TMEM131: variants seen among roughly 807,000 people sequenced by gnomAD.
TMEM131 encodes the protein 2610524E03Rik.
A neutral mutation model predicts 211.6 loss-of-function variants in TMEM131; 66 were observed. The observed-to-expected ratio is 0.31, with a 90% CI of 0.26 to 0.38. The LOEUF is 0.38. TMEM131 is among the 10% of genes least tolerant of loss of function. TMEM131 has a pLI of 1.00. For synonymous variants in TMEM131, 844 were observed against 841.3 expected (o/e 1.00, Z -0.06); for missense variants, 2,036 against 2,299.3 (o/e 0.89, Z 2.34).
Position 97,792,477 on chromosome 2 carries a change from T to C in TMEM131, c.4053A>G (p.Ile1351Met), listed in dbSNP as rs1301726710. Residue 1351 changes from isoleucine to methionine, a missense_variant, in exon 31 of 41, where the codon ATA (isoleucine) becomes ATG (methionine). Physicochemically the swap from Ile to Met is conservative, Grantham distance 10. Transcript: ENST00000186436. The stretch of plus-strand genomic sequence containing the variant: ...GGTCGAAGTCTTTGTCCATGGCTTC[T>C]ATGAGACTGGTGATGTCCGAGTCCT... ...SSEDSDITSL[I>M]EAMDKDFDHH... 4.3e-6 allele frequency: 7 copies of C among 1,613,782 alleles called. No homozygotes were observed. The highest frequency in any genetic ancestry group is 5.9e-6 in the Non-Finnish European group (7 of 1,179,806).
intron 1 of TMEM131, among the ~76,000 whole-genome samples, chr2:97,961,812 AC>A (rs1178079913): frequency 6.6e-6 from 1 of 152,252 alleles, no homozygotes; most frequent in Non-Finnish European, 1.5e-5. Context: ...TTGTGCTGCA[AC>A]AGCTGAATAT....
intron 40 of TMEM131, 133 bp downstream of exon 40, chr2:97,758,760 A>ATT: frequency 8.3e-7 from 1 of 1,200,092 alleles, no homozygotes; most frequent in East Asian, 2.6e-5. Context: ...GGAGACAATA[A>ATT]AAGTACTAAC....
chr2:97,949,572 T>C (rs1678202044), intron 1 of TMEM131, among the ~76,000 whole-genome samples: 1 of 151,844 alleles, frequency 6.6e-6, no homozygotes, highest in Non-Finnish European at 1.5e-5. Context: ...CCCAGCACTT[T>C]GGGAGGCCGA....
chr2:97,785,768 A>T (rs1349334501), intron 31 of TMEM131, among the ~76,000 whole-genome samples: 1 of 152,230 alleles, frequency 6.6e-6, no homozygotes, highest in African/African-American at 2.4e-5. Context: ...CATAATCCAA[A>T]TGTTCTTCAA....
intron 19 of TMEM131, 107 bp downstream of exon 19, chr2:97,809,581 A>G (rs1681457154): frequency 1.3e-6 from 1 of 754,816 alleles, no homozygotes; most frequent in Admixed American, 2.4e-5. Flanking sequence ...TTTAAAATAA[A>G]TGACTAATAA....
chr2:97,812,780 A>T, intron 15 of TMEM131, 31 bp from the exon 16 acceptor site: 1 of 1,228,520 alleles, frequency 8.1e-7, no homozygotes, highest in Non-Finnish European at 1.1e-6. Context: ...CAGATTAAAA[A>T]AAAGTCACAT....
chr2:97,853,607 G>GAAA (rs565061872), intron 5 of TMEM131, among the ~76,000 whole-genome samples: 1 of 125,004 alleles, frequency 8.0e-6, no homozygotes. Flanking sequence ...CCCCGTCTTG[G>GAAA]AAAAAAAAAA....
At chr2:97,810,870 C>G (rs1364593843) in intron 18 of TMEM131, among the ~76,000 whole-genome samples, 6 of 152,182 alleles carry the variant, frequency 3.9e-5, no homozygotes, top group Non-Finnish European at 8.8e-5. Context: ...AAGCAGGTTT[C>G]TAACAAAGCA....
chr2:97,873,595 AC>A (rs1674577194), intron 4 of TMEM131, among the ~76,000 whole-genome samples: 1 of 152,234 alleles, frequency 6.6e-6, no homozygotes, highest in Non-Finnish European at 1.5e-5. Flanking sequence ...CGCTGCTGAT[AC>A]CAAGGCAAAC....
chr2:97,920,376 A>C (rs138681839), intron 2 of TMEM131, among the ~76,000 whole-genome samples: 1 of 152,324 alleles, frequency 6.6e-6, no homozygotes, highest in Non-Finnish European at 1.5e-5. Flanking sequence ...TGAGATGAGG[A>C]AAGTGTCAAA....
At chr2:97,788,614 TCTC>T (rs776302781) in intron 31 of TMEM131, among the ~76,000 whole-genome samples, 6 of 152,188 alleles carry the variant, frequency 3.9e-5, no homozygotes, top group Non-Finnish European at 7.3e-5. Context: ...TCACCAATTA[TCTC>T]CTCATTTTCT....
chr2:97,766,231 C>A lies in TMEM131; in HGVS notation c.4606G>T (p.Ala1536Ser), dbSNP rs1253833916. 5.6e-6 allele frequency: 9 copies of A among 1,613,938 alleles called. No individual in the cohort carries two copies. The South Asian group carries it at 9.9e-5, about 18-fold the overall frequency. The change falls in exon 35 of 41, where the codon GCC becomes TCC. Residue 1536 changes from alanine (A) to serine (S), a missense_variant. This residue lies in a region of TMEM131 where 1,623 missense variants were observed against 1,805.9 expected (regional missense o/e 0.90). Transcript: ENST00000186436. ...TSKLVDNRPP[A>S]LAKFLPNSQE... The stretch of plus-strand genomic sequence containing the variant: ...CTATTCGGGAGGAATTTTGCTAGGG[C>A]AGGTGGTCTGTTATCCACTAACTTA...
chr2:97,847,168 A>T (rs1683490641), intron 5 of TMEM131, among the ~76,000 whole-genome samples: 1 of 148,228 alleles, frequency 6.7e-6, no homozygotes, highest in Non-Finnish European at 1.5e-5. Context: ...CAGCCTGGTG[A>T]CAGAGTGAGA....
chr2:97,853,432 TA>T (rs55752619), intron 5 of TMEM131, among the ~76,000 whole-genome samples: 57,544 of 90,378 alleles, frequency 0.64, 18,145 homozygotes, highest in Non-Finnish European at 0.71. Flanking sequence ...CCATCTCTAC[TA>T]AAAAAAAAAA....
chr2:97,834,538 A>T, intron 10 of TMEM131, 83 bp downstream of exon 10: 2 of 1,004,488 alleles, frequency 2.0e-6, no homozygotes, highest in Non-Finnish European at 2.9e-6. Context: ...AAGCTGAATT[A>T]CATAGTAGAG....
intron 4 of TMEM131, among the ~76,000 whole-genome samples, chr2:97,879,474 T>C (rs2104188685): frequency 6.6e-6 from 1 of 152,242 alleles, no homozygotes; most frequent in African/African-American, 2.4e-5. Context: ...CAGAGGGAGA[T>C]TAAAAGCACT....
intron 28 of TMEM131, among the ~76,000 whole-genome samples, chr2:97,795,886 CTG>C (rs1680738291): frequency 6.6e-6 from 1 of 152,144 alleles, no homozygotes; most frequent in Admixed American, 6.5e-5. Flanking sequence ...TGCTGAGGGA[CTG>C]TGAATTTACA....
chr2:97,934,031 A>C (rs1677339287), intron 1 of TMEM131, among the ~76,000 whole-genome samples: 1 of 152,044 alleles, frequency 6.6e-6, no homozygotes, highest in South Asian at 2.1e-4. Context: ...CACTTTAACA[A>C]GGCAAGGAAA....
rs1180889609 is a variant in TMEM131 at position 97,977,892 on chromosome 2, C to T, written c.187+17584G>A. Among the ~76,000 whole-genome samples the T allele has an allele frequency of 2.6e-5, 4 of 152,136 alleles. No individual in the cohort carries two copies. The East Asian group carries it at 7.7e-4, about 29-fold the overall frequency. On this transcript the variant is annotated intron_variant, in intron 1 of 40. Transcript: ENST00000186436. ...CATGAGGTCAGGAGTTCGAGACCAA[C>T]CTGGCCAACATAGTGAAACCCCCGT...
Sources: allele counts gnomAD v4.1 joint callset (sites outside exome capture counted in the v4.1 genomes callset), GRCh38; gene constraint gnomAD v4.1.1; regional missense constraint gnomAD v4.1.1; transcripts MANE v1.5; gene names NCBI Gene and HGNC (gene_info 2026-07-23, HGNC 2026-07-21).